TMEM135: variants seen among roughly 807,000 people sequenced by gnomAD.
The protein encoded by TMEM135 is transmembrane protein 135, also known as peroxisomal membrane protein 52.
A neutral mutation model predicts 60.3 loss-of-function variants in TMEM135; 30 were observed. The observed-to-expected ratio is 0.50, with a 90% CI of 0.37 to 0.68. TMEM135 has a LOEUF of 0.68. Among genes scored for constraint, TMEM135 ranks in the 30% least tolerant of loss-of-function variants. TMEM135 has a pLI of 0.00. For missense variants in TMEM135, 468 were observed against 548.8 expected, an observed-to-expected ratio of 0.85 and a Z score of 1.47; for synonymous variants, 190 against 186.7, an observed-to-expected ratio of 1.02 and a Z score of -0.14.
intron 6 of TMEM135, 87 bp downstream of exon 6, chr11:87,236,771 A>C: frequency 7.6e-7 from 1 of 1,313,764 alleles, no homozygotes; most frequent in Non-Finnish European, 1.1e-6. Context: ...GTATTCTCCA[A>C]ATAATTATCC....
chr11:87,135,299 T>A (rs1233309168), intron 4 of TMEM135, among the ~76,000 whole-genome samples: 1 of 152,088 alleles, frequency 6.6e-6, no homozygotes, highest in Non-Finnish European at 1.5e-5. Context: ...TAAGAAAATT[T>A]TGCCTAATCT....
intron 1 of TMEM135, among the ~76,000 whole-genome samples, chr11:87,045,822 G>T (rs2135108631): frequency 6.6e-6 from 1 of 152,306 alleles, no homozygotes; most frequent in South Asian, 2.1e-4. Flanking sequence ...GATATTTGAT[G>T]ATTAGTTTAG....
At chr11:87,241,678 G>T (rs941250412) in intron 6 of TMEM135, among the ~76,000 whole-genome samples, 2 of 151,802 alleles carry the variant, frequency 1.3e-5, no homozygotes, top group African/African-American at 4.8e-5. Flanking sequence ...ATTTTTTCCA[G>T]CCTCTGGTAA....
At chr11:87,247,777 G>A (rs1296188284) in intron 6 of TMEM135, among the ~76,000 whole-genome samples, 1 of 152,124 alleles carries the variant, frequency 6.6e-6, no homozygotes, top group East Asian at 1.9e-4. Flanking sequence ...CTTTGACTAG[G>A]AAAGGGAACT....
intron 5 of TMEM135, among the ~76,000 whole-genome samples, chr11:87,228,724 A>T (rs985416064): frequency 1.3e-5 from 2 of 152,170 alleles, no homozygotes; most frequent in East Asian, 3.8e-4. Flanking sequence ...CTGTGGTGGG[A>T]AATAGTTAAA....
chr11:87,256,938 G>T (rs1941538875), intron 6 of TMEM135, among the ~76,000 whole-genome samples: 1 of 151,856 alleles, frequency 6.6e-6, no homozygotes, highest in African/African-American at 2.4e-5. Flanking sequence ...ATGTGTATGT[G>T]TATATGTGTA....
intron 6 of TMEM135, among the ~76,000 whole-genome samples, chr11:87,266,743 G>A (rs1207596341): frequency 6.6e-6 from 1 of 152,176 alleles, no homozygotes; most frequent in Non-Finnish European, 1.5e-5. Flanking sequence ...AGGAGGCAGG[G>A]TCTTTGCTGA....
At chr11:87,147,234 A>C (rs1938440122) in intron 4 of TMEM135, among the ~76,000 whole-genome samples, 1 of 152,190 alleles carries the variant, frequency 6.6e-6, no homozygotes, top group Non-Finnish European at 1.5e-5. Flanking sequence ...GAGGCACAAG[A>C]ATCGCTTGAA....
intron 12 of TMEM135, among the ~76,000 whole-genome samples, chr11:87,317,262 A>G (rs1185314292): frequency 6.6e-6 from 1 of 152,068 alleles, no homozygotes; most frequent in Non-Finnish European, 1.5e-5. Flanking sequence ...TTCACTTAAC[A>G]TTTCTGTGAC....
chr11:87,119,103 A>G (rs571875622), intron 4 of TMEM135, among the ~76,000 whole-genome samples: 1 of 152,342 alleles, frequency 6.6e-6, no homozygotes, highest in South Asian at 2.1e-4. Flanking sequence ...CAAGAAGCCT[A>G]GCTCTGGCCT....
At chr11:87,190,051 A>G (rs933600503) in intron 5 of TMEM135, among the ~76,000 whole-genome samples, 1 of 152,238 alleles carries the variant, frequency 6.6e-6, no homozygotes, top group African/African-American at 2.4e-5. Context: ...TAGAAAAAGG[A>G]ACTGCTTTAT....
chr11:87,130,404 T>TCA (rs1305586570), intron 4 of TMEM135, among the ~76,000 whole-genome samples: 3 of 152,194 alleles, frequency 2.0e-5, no homozygotes, highest in Non-Finnish European at 4.4e-5. Context: ...AACTGGAAGT[T>TCA]AGGACATACC....
intron 5 of TMEM135, among the ~76,000 whole-genome samples, chr11:87,172,469 G>A (rs760880985): frequency 6.6e-6 from 1 of 151,354 alleles, no homozygotes; most frequent in Non-Finnish European, 1.5e-5. Flanking sequence ...CACGGTATTA[G>A]GTATTCTGAA....
At chr11:87,224,625 A>G (rs1940726951) in intron 5 of TMEM135, among the ~76,000 whole-genome samples, 2 of 152,186 alleles carry the variant, frequency 1.3e-5, no homozygotes, top group Non-Finnish European at 2.9e-5. Context: ...TTGTTCATTT[A>G]TAACAAGCAG....
At chr11:87,319,550 A>G (rs1450636037) in intron 14 of TMEM135, among the ~76,000 whole-genome samples, 173 bp downstream of exon 14, 1 of 152,056 alleles carries the variant, frequency 6.6e-6, no homozygotes, top group Non-Finnish European at 1.5e-5. Context: ...TCTTTTCCCT[A>G]TAATATTGTA....
At chr11:87,160,135 T>C (rs1413666682) in intron 5 of TMEM135, among the ~76,000 whole-genome samples, 1 of 152,180 alleles carries the variant, frequency 6.6e-6, no homozygotes, top group East Asian at 1.9e-4. Context: ...ATATCAGTCT[T>C]TCAGTGAATT....
At chr11:87,068,673 TGGTG>T (rs1476207550) in intron 2 of TMEM135, among the ~76,000 whole-genome samples, 1 of 151,122 alleles carries the variant, frequency 6.6e-6, no homozygotes, top group East Asian at 2.0e-4. Flanking sequence ...TAGCCGGGCG[TGGTG>T]GTGGGCGCCT....
intron 5 of TMEM135, among the ~76,000 whole-genome samples, chr11:87,234,945 G>T (rs1489535536): frequency 2.6e-5 from 4 of 151,878 alleles, no homozygotes; most frequent in Non-Finnish European, 4.4e-5. Context: ...AGATTTGTGG[G>T]ATACTTCTAG....
chr11:87,084,314 T>G (rs1376268009), intron 3 of TMEM135, among the ~76,000 whole-genome samples: 1 of 18,482 alleles, frequency 5.4e-5, no homozygotes, highest in African/African-American at 6.5e-4. Context: ...GCAGTGGTTC[T>G]TTTTTTTTTT....
Sources: gnomAD v4.1 joint callset for allele counts (sites outside exome capture counted in the v4.1 genomes callset) on GRCh38, gnomAD v4.1.1 for gene constraint, MANE v1.5 for transcripts, NCBI Gene and HGNC (gene_info 2026-07-23, HGNC 2026-07-21) for gene names.